LBHD1: variants seen among roughly 807,000 people sequenced by gnomAD.
LBHD1 encodes the protein LBH domain-containing protein 1.
Under a neutral mutation model 31.1 loss-of-function variants are expected in LBHD1, and 28 were observed. That is an observed-to-expected ratio of 0.90 (90% CI 0.67 to 1.24). The LOEUF (loss-of-function observed/expected upper bound fraction) is 1.24. Among genes scored for constraint, LBHD1 ranks in the 50% most tolerant of loss-of-function variants. LBHD1 has a pLI of 0.00. For missense variants in LBHD1, 350 were observed against 323.0 expected (o/e 1.08, Z -0.64); for synonymous variants, 105 against 116.5 (o/e 0.90, Z 0.63).
Position 62,671,990 on chromosome 11 carries a change from CGGCCAGGA to C in LBHD1, c.-445_-438del. ...CAGGACCCAAGGAGCAGGGAGGAGGCGGCCAGGACCCAGCAGCTATTGCTGGCCACTCT... is the reference window on the plus strand; with the variant it reads ...CAGGACCCAAGGAGCAGGGAGGAGGCCCCAGCAGCTATTGCTGGCCACTCT... On this transcript the variant is annotated 5_prime_UTR_variant, in exon 1 of 7. Transcript: ENST00000354588. The C allele has an allele frequency of 3.7e-6, 6 of 1,613,918 alleles. No homozygotes were observed. Among genetic ancestry groups the C allele is most frequent in the Non-Finnish European group, 5.1e-6 (6 of 1,180,010 alleles).
chr11:62,667,769 G>A (rs750235856), intron 3 of LBHD1, 22 bp from the exon 4 acceptor site: 15 of 1,497,282 alleles, frequency 1.0e-5, no homozygotes, highest in South Asian at 3.4e-5. Context: ...GAAGAGAGGG[G>A]ACAAAAATAT....
Position 62,671,628 on chromosome 11 carries a change from A to G in LBHD1, c.-75T>C. The G allele has an allele frequency of 6.7e-7, 1 of 1,485,882 alleles. No homozygotes were observed. The highest frequency in any genetic ancestry group is 8.9e-7 in the Non-Finnish European group (1 of 1,122,070). 92.0% of individuals were successfully genotyped at this position (1,485,882 alleles called of 1,614,324 possible). ...GCAGGTCCTCTCTAGCCGGCCGCTT[A>G]TCTATGGTTTCTGCTATAGGGCGCT... On this transcript the variant is annotated 5_prime_UTR_variant, in exon 1 of 7. Coordinates refer to ENST00000354588, the MANE Select transcript of LBHD1 (RefSeq NM_024099.5).
intron 4 of LBHD1, chr11:62,666,069 C>A: frequency 1.7e-6 from 2 of 1,149,666 alleles, no homozygotes; most frequent in Non-Finnish European, 2.4e-6. Flanking sequence ...TACGGTGGGC[C>A]GTGCGTGGTG....
chr11:62,669,870 G>A lies in LBHD1; in HGVS notation c.150+12C>T. ...AAGCCAGCTGCCAGACACAGGCTGA[G>A]GAAGTACTAACCTGAATGTGCTGGT... On this transcript the variant is annotated intron_variant, in intron 2 of 6. Transcript: ENST00000354588. The A allele has an allele frequency of 6.2e-7, 1 of 1,614,238 alleles. No homozygotes were observed. Among genetic ancestry groups the A allele is most frequent in the East Asian group, 2.2e-5 (1 of 44,884 alleles).
chr11:62,663,563 G>A (rs561324230), intron 5 of LBHD1, among the ~76,000 whole-genome samples: 244 of 152,004 alleles, frequency 1.6e-3, no homozygotes, highest in African/African-American at 5.4e-3. Flanking sequence ...GCGCAGTGGC[G>A]GGCGCCTGTA....
chr11:62,667,266 G>A lies in LBHD1; in HGVS notation c.538+257C>T, dbSNP rs573649158. 1.3e-5 allele frequency: 8 copies of A among 639,242 alleles called. No individual in the cohort carries two copies. The African/African-American group carries it at 1.3e-4, about 10-fold the overall frequency. 39.6% of individuals were successfully genotyped at this position (639,242 alleles called of 1,614,324 possible). On this transcript the variant is annotated intron_variant, in intron 4 of 6. Coordinates refer to ENST00000354588, the MANE Select transcript of LBHD1 (RefSeq NM_024099.5). Reference sequence around the variant, plus strand: ...TTACGGAGATTACATACAATGATGTGCGCAATATTTAGCACAAAATGAATG... The same window carrying A: ...TTACGGAGATTACATACAATGATGTACGCAATATTTAGCACAAAATGAATG...
intron 4 of LBHD1, chr11:62,666,938 G>T (rs768576105): frequency 6.2e-7 from 1 of 1,614,202 alleles, no homozygotes; most frequent in Middle Eastern, 1.7e-4. Context: ...GGACCCTGAT[G>T]TGCGACTGCC....
chr11:62,665,858 T>C lies in LBHD1; in HGVS notation c.539-885A>G, dbSNP rs372582513. Reference sequence around the variant, plus strand: ...GGACGCTTCACATAAGCTTCTCTGGTCGAACTTACCCGAATCTCCAGATGG... The same window carrying C: ...GGACGCTTCACATAAGCTTCTCTGGCCGAACTTACCCGAATCTCCAGATGG... On this transcript the variant is annotated intron_variant, in intron 4 of 6. Coordinates refer to ENST00000354588, the MANE Select transcript of LBHD1 (RefSeq NM_024099.5). 135 of 1,610,624 alleles carry C rather than the reference T, an allele frequency of 8.4e-5. No individual in the cohort carries two copies. In the African/African-American group the frequency reaches 1.7e-3, roughly 21 times the overall value.
chr11:62,663,400 C>G lies in LBHD1; in HGVS notation c.664-67G>C, dbSNP rs370759736. On this transcript the variant is annotated intron_variant, in intron 5 of 6. Transcript: ENST00000354588. ...ACCAACTGAGGTCACACAAATAGTT[C>G]TGGCTATAGAAAAAGTATTAAATAG... 8.6e-5 allele frequency: 129 copies of G among 1,508,600 alleles called. 5 individuals carry two copies. Among genetic ancestry groups the G allele is most frequent in the East Asian group, 6.6e-4 (29 of 44,192 alleles). 93.5% of individuals were successfully genotyped at this position (1,508,600 alleles called of 1,614,324 possible).
At chr11:62,665,981 T>G (rs1157754728) in intron 4 of LBHD1, 1 of 1,590,810 alleles carries the variant, frequency 6.3e-7, no homozygotes, top group Non-Finnish European at 8.6e-7. Context: ...GAGGGCAAGG[T>G]GGGGGCAGAG....
rs572121777 is a variant in LBHD1, at chr11:62,665,566, C to T, written c.539-593G>A. 4.5e-4 allele frequency: 713 copies of T among 1,569,144 alleles called. 7 individuals are homozygous for T. The highest frequency in any genetic ancestry group is 3.4e-5 in the South Asian group (3 of 89,192). ...CTGGTTCTATCCTCAAACGCCGGGA[C>T]ACCGGGAATCTCGGAGAAGGACAAC... is the stretch of plus-strand genomic sequence containing the variant. On this transcript the variant is annotated intron_variant, in intron 4 of 6. Coordinates refer to ENST00000354588, the MANE Select transcript of LBHD1 (RefSeq NM_024099.5).
At chr11:62,665,305 G>A (rs572289694) in intron 4 of LBHD1, 189 of 713,898 alleles carry the variant, frequency 2.6e-4, no homozygotes, top group African/African-American at 2.6e-3. Flanking sequence ...TCCGCGGTGC[G>A]GGAGGCCTTT....
Position 62,667,659 on chromosome 11 carries a change from A to G in LBHD1, c.402T>C (p.Asp134=), listed in dbSNP as rs763799494. 1.5e-5 allele frequency: 24 copies of G among 1,614,068 alleles called. No homozygotes were observed. Among genetic ancestry groups the G allele is most frequent in the African/African-American group, 4.0e-5 (3 of 74,922 alleles). The change falls in exon 4 of 7, where the codon GAT becomes GAC. Residue 134 remains aspartate, a synonymous_variant. Coordinates refer to ENST00000354588, the MANE Select transcript of LBHD1 (RefSeq NM_024099.5). ...LSWGQDQDEE[D]ACWILEDTAC... ...CTGTGTCCTCAAGAATCCAACAAGC[A>G]TCTTCTTCATCCTGGTCCTGCCCCC... is the stretch of plus-strand genomic sequence containing the variant.
At position 62,672,214 on chromosome 11, in the gene LBHD1, T is replaced by C; in HGVS notation, c.-661A>G. 7.9e-7 allele frequency: 1 copy of C among 1,262,210 alleles called. No homozygotes were observed. The highest frequency in any genetic ancestry group is 1.1e-6 in the Non-Finnish European group (1 of 915,128). 78.2% of individuals were successfully genotyped at this position (1,262,210 alleles called of 1,614,324 possible). A position where few individuals can be genotyped will look rare whatever the true frequency, so the allele number is the denominator to read the frequency against. ...GCCCAGCGGAGAGTCCGGACCGAGA[T>C]ACCATGCCAGGACTCTCCGGGGTCC... is the stretch of plus-strand genomic sequence containing the variant. On this transcript the variant is annotated 5_prime_UTR_variant, in exon 1 of 7. Coordinates refer to ENST00000354588, the MANE Select transcript of LBHD1 (RefSeq NM_024099.5).
intron 3 of LBHD1, among the ~76,000 whole-genome samples, chr11:62,668,973 C>T (rs149778628): frequency 1.8e-4 from 27 of 151,834 alleles, no homozygotes; most frequent in African/African-American, 6.0e-4. Context: ...CTTGCCCAGG[C>T]TGGAGTGCAG....
rs1590851046 is a variant in LBHD1 at position 62,667,257 on chromosome 11, C to A, written c.538+266G>T. 10 of 639,240 alleles carry A rather than the reference C, an allele frequency of 1.6e-5. No homozygotes were observed. In the East Asian group the frequency reaches 2.5e-4, roughly 16 times the overall value. 39.6% of individuals were successfully genotyped at this position (639,240 alleles called of 1,614,324 possible). A position where few individuals can be genotyped will look rare whatever the true frequency, so the allele number is the denominator to read the frequency against. On this transcript the variant is annotated intron_variant, in intron 4 of 6. Transcript: ENST00000354588. ...AACTTGGAGTTACGGAGATTACATA[C>A]AATGATGTGCGCAATATTTAGCACA...
At chr11:62,666,385 C>A in intron 4 of LBHD1, 1 of 1,606,470 alleles carries the variant, frequency 6.2e-7, no homozygotes, top group South Asian at 1.1e-5. Flanking sequence ...ACCCTCCAAC[C>A]GTGCCCACAG....
intron 4 of LBHD1, chr11:62,665,497 G>GC: frequency 6.4e-7 from 1 of 1,572,320 alleles, no homozygotes; most frequent in Non-Finnish European, 8.6e-7. Context: ...AAGGGCTCTG[G>GC]CCCCCTCGGC....
At chr11:62,663,374 A>T (rs771804464) in intron 5 of LBHD1, 41 bp from the exon 6 acceptor site, 1 of 1,588,024 alleles carries the variant, frequency 6.3e-7, no homozygotes, top group South Asian at 1.1e-5. Flanking sequence ...GGTTAACCTG[A>T]ACCAACTGAG....
Sources: gnomAD v4.1 joint callset for allele counts (sites outside exome capture counted in the v4.1 genomes callset) on GRCh38, gnomAD v4.1.1 for gene constraint, MANE v1.5 for transcripts, NCBI Gene and HGNC (gene_info 2026-07-23, HGNC 2026-07-21) for gene names.